MPDZ: variants seen among roughly 807,000 people sequenced by gnomAD.
The protein encoded by MPDZ is multiple PDZ domain protein.
MPDZ carries 234 observed loss-of-function variants against 239.1 expected under a neutral mutation model. The ratio of observed to expected loss-of-function variants is 0.98; its 90% CI spans 0.88 to 1.09. The LOEUF is 1.09. Among genes scored for constraint, MPDZ ranks in the 50% least tolerant of loss-of-function variants. The pLI is 0.00. For synonymous variants in MPDZ, 1,048 were observed against 881.3 expected (o/e 1.19, Z -3.35); for missense variants, 3,175 against 2,510.0 (o/e 1.26, Z -5.66).
rs1051733911 is a variant in MPDZ at position 13,106,890 on chromosome 9, T to C, written c.*75A>G. The C allele has an allele frequency of 2.0e-6, 3 of 1,497,378 alleles. No homozygotes were observed. The highest frequency in any genetic ancestry group is 2.7e-6 in the Non-Finnish European group (3 of 1,092,944). The allele number at this position is 1,497,378 out of a possible 1,614,324, so 92.8% of individuals were successfully genotyped here. A position where few individuals can be genotyped will look rare whatever the true frequency, so the allele number is the denominator to read the frequency against. On this transcript the variant is annotated 3_prime_UTR_variant, in exon 47 of 47. Transcript: ENST00000319217. ...GACCCGGCTGAACACAGCATAAAAATTGTCAGGACCAGTGCATTCTCTTTA... is the reference window on the plus strand; with the variant it reads ...GACCCGGCTGAACACAGCATAAAAACTGTCAGGACCAGTGCATTCTCTTTA...
chr9:13,118,460 A>T (rs143114918), intron 39 of MPDZ, among the ~76,000 whole-genome samples: 54 of 152,300 alleles, frequency 3.5e-4, no homozygotes, highest in East Asian at 2.3e-3. Context: ...AAGCCCAGCC[A>T]CTCAGAGGCT....
chr9:13,235,885 G>C (rs561665718), intron 3 of MPDZ, among the ~76,000 whole-genome samples: 325 of 152,100 alleles, frequency 2.1e-3, no homozygotes, highest in Non-Finnish European at 2.5e-3. Context: ...GTAAGACTCT[G>C]ACTTTTCCCT....
At chr9:13,173,703 T>C (rs903200308) in intron 21 of MPDZ, among the ~76,000 whole-genome samples, 3 of 143,610 alleles carry the variant, frequency 2.1e-5, no homozygotes, top group Non-Finnish European at 4.5e-5. Flanking sequence ...AAACTCTCTC[T>C]CAAAAAAAAA....
intron 32 of MPDZ, 129 bp from the exon 33 acceptor site, chr9:13,126,901 A>AG: frequency 1.5e-6 from 1 of 676,224 alleles, no homozygotes; most frequent in Non-Finnish European, 2.4e-6. Flanking sequence ...TAGACTTTAA[A>AG]TCTAAGATCT....
At chr9:13,173,159 A>G (rs557500529) in intron 21 of MPDZ, among the ~76,000 whole-genome samples, 4 of 152,330 alleles carry the variant, frequency 2.6e-5, no homozygotes, top group South Asian at 2.1e-4. Context: ...CAGCGTTTCA[A>G]TTGGGGAACC....
At chr9:13,181,988 T>C (rs1953402809) in intron 19 of MPDZ, among the ~76,000 whole-genome samples, 1 of 152,066 alleles carries the variant, frequency 6.6e-6, no homozygotes, top group African/African-American at 2.4e-5. Flanking sequence ...CCACTCAAGA[T>C]TATACCTTGC....
chr9:13,277,622 T>C (rs1269868165), intron 1 of MPDZ, among the ~76,000 whole-genome samples: 1 of 152,188 alleles, frequency 6.6e-6, no homozygotes, highest in Non-Finnish European at 1.5e-5. Flanking sequence ...CGGAGTGCAG[T>C]GGCGCGATCT....
At chr9:13,229,957 C>T (rs1422012304) in intron 3 of MPDZ, among the ~76,000 whole-genome samples, 1 of 151,688 alleles carries the variant, frequency 6.6e-6, no homozygotes, top group East Asian at 1.9e-4. Flanking sequence ...ACATATGACT[C>T]ATATCTAGAA....
Position 13,126,595 on chromosome 9 carries a change from A to T in MPDZ, c.4558-5T>A, listed in dbSNP as rs1299865972. 7 of 1,606,718 alleles carry T rather than the reference A, an allele frequency of 4.4e-6. No homozygotes were observed. The highest frequency in any genetic ancestry group is 6.0e-6 in the Non-Finnish European group (7 of 1,176,166). The stretch of plus-strand genomic sequence containing the variant: ...TCCGACTTTGAGTCGTCCATCCTAA[A>T]TGGAAACGTAGAAGAATTTGAGTGA... On this transcript the variant is annotated splice_polypyrimidine_tract_variant and splice_region_variant and intron_variant, in intron 33 of 46. Transcript: ENST00000319217.
intron 3 of MPDZ, among the ~76,000 whole-genome samples, chr9:13,232,696 A>C (rs1962841539): frequency 6.6e-6 from 1 of 151,822 alleles, no homozygotes; most frequent in Non-Finnish European, 1.5e-5. Context: ...TTTAAAATAA[A>C]AACAACTTCT....
At chr9:13,265,262 C>CA (rs1351123000) in intron 1 of MPDZ, among the ~76,000 whole-genome samples, 1 of 152,166 alleles carries the variant, frequency 6.6e-6, no homozygotes, top group Non-Finnish European at 1.5e-5. Flanking sequence ...TCAATGAGCC[C>CA]AGGTCGACTG....
rs566444619 is a variant in MPDZ, at chr9:13,240,518, CATCTTATTT to C, written c.183+7108_183+7116del. 6.5e-4 allele frequency among the ~76,000 whole-genome samples: 88 copies of C among 136,210 alleles called. 1 individual carries two copies. Among genetic ancestry groups the C allele is most frequent in the Non-Finnish European group, 8.5e-4 (55 of 64,558 alleles). The allele number at this position is 136,210 out of a possible 152,430, so 89.4% of individuals were successfully genotyped here. On this transcript the variant is annotated intron_variant, in intron 3 of 46. Transcript: ENST00000319217. ...TCAGGGATGCTATTAACAGTTTTTC[CATCTTATTT>C]GTTCATTAACACAGAGAACTAAGGA...
At chr9:13,225,222 GA>G (rs375976317) in intron 3 of MPDZ, among the ~76,000 whole-genome samples, 56 of 151,732 alleles carry the variant, frequency 3.7e-4, no homozygotes, top group African/African-American at 1.2e-3. Flanking sequence ...CTTTATAAAG[GA>G]AAAAAAAGTT....
At chr9:13,139,672 G>C (rs1421719877) in intron 28 of MPDZ, among the ~76,000 whole-genome samples, 1 of 152,106 alleles carries the variant, frequency 6.6e-6, no homozygotes, top group African/African-American at 2.4e-5. Context: ...GCCCAGAAAG[G>C]GGTGGTGACT....
At chr9:13,157,209 A>G (rs748225571) in intron 24 of MPDZ, among the ~76,000 whole-genome samples, 2 of 152,142 alleles carry the variant, frequency 1.3e-5, no homozygotes, top group African/African-American at 2.4e-5. Context: ...ACAAAGCATC[A>G]CATTGTGATG....
chr9:13,111,930 A>C, intron 43 of MPDZ, 94 bp downstream of exon 43: 1 of 1,327,054 alleles, frequency 7.5e-7, no homozygotes, highest in Non-Finnish European at 1.0e-6. Flanking sequence ...ATAGATATTT[A>C]AAACTGCCTT....
rs186764571 is a variant in MPDZ at position 13,266,499 on chromosome 9, A to G, written c.-58+12901T>C. ...AATACTTTTGGTGGAGTATTTAGCA[A>G]TTCAGAACCCTTAAATTCAGCAGAC... On this transcript the variant is annotated intron_variant, in intron 1 of 46. Coordinates refer to ENST00000319217, the MANE Select transcript of MPDZ (RefSeq NM_001378778.1). Among the ~76,000 whole-genome samples, 33 of 152,338 alleles carry G rather than the reference A, an allele frequency of 2.2e-4. No individual in the cohort carries two copies. In the East Asian group the frequency reaches 6.0e-3, roughly 28 times the overall value.
At chr9:13,262,544 T>C (rs562467622) in intron 1 of MPDZ, among the ~76,000 whole-genome samples, 37 of 152,030 alleles carry the variant, frequency 2.4e-4, no homozygotes, top group African/African-American at 8.4e-4. Context: ...CAGCCAAGTA[T>C]ACACGTTAAA....
intron 24 of MPDZ, among the ~76,000 whole-genome samples, chr9:13,151,382 G>T (rs1471973995): frequency 6.6e-6 from 1 of 152,014 alleles, no homozygotes; most frequent in Non-Finnish European, 1.5e-5. Context: ...TAGTCAAGAG[G>T]TAGAAGCAAA....
Sources: allele counts gnomAD v4.1 joint callset (sites outside exome capture counted in the v4.1 genomes callset), GRCh38; gene constraint gnomAD v4.1.1; transcripts MANE v1.5; gene names NCBI Gene and HGNC (gene_info 2026-07-23, HGNC 2026-07-21).